The following TBC1D32 variants were observed in gnomAD, a reference collection of about 807,000 sequenced individuals.
TBC1D32 encodes the protein TBC1 domain family member 32.
TBC1D32 carries 151 observed loss-of-function variants against 170.3 expected under a neutral mutation model. The observed-to-expected ratio is 0.89, with a 90% CI of 0.78 to 1.01. The LOEUF is 1.01. TBC1D32 is among the 50% of genes least tolerant of loss of function. The probability of loss-of-function intolerance (pLI) is 0.00; values close to 1 mark genes in which losing one functional copy is unlikely to be tolerated. For missense variants in TBC1D32, 1,464 were observed against 1,457.1 expected (o/e 1.00, Z -0.08); for synonymous variants, 498 against 488.0 (o/e 1.02, Z -0.27).
chr6:121,317,785 A>G, intron 2 of TBC1D32, 113 bp from the exon 3 acceptor site: 1 of 659,646 alleles, frequency 1.5e-6, no homozygotes, highest in South Asian at 3.3e-5. Context: ...TTAAGAACAC[A>G]ATGCTAAGGA....
chr6:121,295,373 A>G (rs900889707), intron 10 of TBC1D32, among the ~76,000 whole-genome samples: 2 of 151,766 alleles, frequency 1.3e-5, no homozygotes, highest in Non-Finnish European at 2.9e-5. Flanking sequence ...GGTGACCTTG[A>G]AAAGATCACT....
chr6:121,224,005 C>A (rs548205200), intron 20 of TBC1D32, among the ~76,000 whole-genome samples: 1 of 152,248 alleles, frequency 6.6e-6, no homozygotes, highest in African/African-American at 2.4e-5. Context: ...TGTGGTTGCC[C>A]ATCACTAAGC....
chr6:121,236,791 A>G (rs1268681353), intron 20 of TBC1D32, among the ~76,000 whole-genome samples: 6 of 152,098 alleles, frequency 3.9e-5, no homozygotes, highest in African/African-American at 1.4e-4. Flanking sequence ...GTTGAACCAT[A>G]TAGATTGATT....
intron 26 of TBC1D32, among the ~76,000 whole-genome samples, chr6:121,125,833 G>A (rs1780775549): frequency 6.6e-6 from 1 of 152,164 alleles, no homozygotes; most frequent in South Asian, 2.1e-4. Flanking sequence ...AGAAGCCAGG[G>A]CTGAGACTGG....
chr6:121,226,411 T>C (rs1795074532), intron 20 of TBC1D32, among the ~76,000 whole-genome samples: 1 of 152,104 alleles, frequency 6.6e-6, no homozygotes, highest in African/African-American at 2.4e-5. Context: ...ATGTGCTACA[T>C]TAATGAGCAG....
intron 2 of TBC1D32, among the ~76,000 whole-genome samples, chr6:121,319,969 T>C (rs753636472): frequency 1.3e-5 from 2 of 151,976 alleles, no homozygotes; most frequent in Non-Finnish European, 2.9e-5. Flanking sequence ...TAAGAAATAG[T>C]GAATAAAAAC....
At chr6:121,144,839 C>T (rs1157024479) in intron 24 of TBC1D32, among the ~76,000 whole-genome samples, 1 of 152,042 alleles carries the variant, frequency 6.6e-6, no homozygotes, top group Non-Finnish European at 1.5e-5. Flanking sequence ...AAAGTTTAAA[C>T]GTTAGAGAGA....
intron 7 of TBC1D32, 46 bp from the exon 8 acceptor site, chr6:121,304,472 A>T: frequency 6.2e-7 from 1 of 1,603,552 alleles, no homozygotes; most frequent in Non-Finnish European, 8.5e-7. Flanking sequence ...GCATCCTCAA[A>T]TATAAAACTA....
intron 26 of TBC1D32, 133 bp downstream of exon 26, chr6:121,126,245 G>C (rs1780831787): frequency 1.7e-6 from 1 of 578,358 alleles, no homozygotes; most frequent in African/African-American, 1.9e-5. Flanking sequence ...AATGATATCT[G>C]GAATGTATAT....
intron 17 of TBC1D32, among the ~76,000 whole-genome samples, chr6:121,255,102 T>C (rs1046605804): frequency 2.0e-5 from 3 of 152,074 alleles, no homozygotes; most frequent in Non-Finnish European, 2.9e-5. Flanking sequence ...TAATCTAAGA[T>C]GTAAAAACAG....
chr6:121,328,630 AATT>A (rs1342857340), intron 1 of TBC1D32, among the ~76,000 whole-genome samples: 1 of 152,114 alleles, frequency 6.6e-6, no homozygotes, highest in Non-Finnish European at 1.5e-5. Context: ...ACAAGTTTAT[AATT>A]GCTATACTTC....
At chr6:121,205,292 A>AAAT (rs1792102337) in intron 21 of TBC1D32, 129 bp from the exon 22 acceptor site, 1 of 486,318 alleles carries the variant, frequency 2.1e-6, no homozygotes, top group Middle Eastern at 3.1e-4. Context: ...GGGGAGCTGT[A>AAAT]AATAATAAGA....
chr6:121,247,695 C>CAAAA lies in TBC1D32; in HGVS notation c.2019-5360_2019-5357dup, dbSNP rs34914027. ...ATATCAGATAAAACAGGCTTTAAAG[C>CAAAA]AAAAAAAAAAAAAAAAAAAAAAAGA... On this transcript the variant is annotated intron_variant, in intron 17 of 31. Transcript: ENST00000398212. 1.8e-3 allele frequency among the ~76,000 whole-genome samples: 85 copies of CAAAA among 46,566 alleles called. 8 individuals carry two copies. The highest frequency in any genetic ancestry group is 3.8e-3 in the East Asian group (5 of 1,330). 30.5% of individuals were successfully genotyped at this position (46,566 alleles called of 152,430 possible). A position where few individuals can be genotyped will look rare whatever the true frequency, so the allele number is the denominator to read the frequency against.
intron 30 of TBC1D32, among the ~76,000 whole-genome samples, chr6:121,104,821 A>G (rs1349931686): frequency 1.3e-5 from 2 of 151,752 alleles, no homozygotes; most frequent in African/African-American, 2.4e-5. Context: ...ACTGAGTATA[A>G]TAACACAATT....
intron 30 of TBC1D32, among the ~76,000 whole-genome samples, chr6:121,100,692 C>G (rs1486849860): frequency 6.6e-6 from 1 of 151,930 alleles, no homozygotes; most frequent in Non-Finnish European, 1.5e-5. Context: ...GAAGCAAGAG[C>G]AAACACATTC....
chr6:121,110,047 C>A (rs992048111), intron 29 of TBC1D32, among the ~76,000 whole-genome samples: 1 of 151,692 alleles, frequency 6.6e-6, no homozygotes, highest in East Asian at 1.9e-4. Flanking sequence ...GTCAGGAGAT[C>A]GAGACCATCC....
At chr6:121,272,966 G>A (rs1801688940) in intron 15 of TBC1D32, among the ~76,000 whole-genome samples, 6 of 151,992 alleles carry the variant, frequency 3.9e-5, no homozygotes, top group Admixed American at 3.9e-4. Context: ...GTAGGAACAT[G>A]GATGAAACTG....
At chr6:121,134,254 T>C (rs1400485314) in intron 24 of TBC1D32, among the ~76,000 whole-genome samples, 1 of 152,136 alleles carries the variant, frequency 6.6e-6, no homozygotes, top group Non-Finnish European at 1.5e-5. Context: ...CAAAGGATGT[T>C]ACTACCTCCT....
intron 17 of TBC1D32, among the ~76,000 whole-genome samples, chr6:121,245,468 TC>T (rs1194254579): frequency 3.9e-5 from 6 of 152,082 alleles, no homozygotes; most frequent in Non-Finnish European, 8.8e-5. Context: ...AGGCCTTGAG[TC>T]CCAGATCTTT....
Sources: allele counts gnomAD v4.1 joint callset (sites outside exome capture counted in the v4.1 genomes callset), GRCh38; gene constraint gnomAD v4.1.1; transcripts MANE v1.5; gene names NCBI Gene and HGNC (gene_info 2026-07-23, HGNC 2026-07-21).